Variants in DCUN1D3 observed in about 807,000 individuals in gnomAD.
DCUN1D3 encodes defective in cullin neddylation 1 domain containing 3.
A neutral mutation model predicts 24.8 loss-of-function variants in DCUN1D3; 6 were observed. The ratio of observed to expected loss-of-function variants is 0.24; its 90% CI spans 0.13 to 0.48. DCUN1D3 has a LOEUF of 0.48. Among genes scored for constraint, DCUN1D3 ranks in the 20% least tolerant of loss-of-function variants. DCUN1D3 has a pLI of 0.99. For synonymous variants in DCUN1D3, 120 were observed against 144.9 expected (o/e 0.83, Z 1.24); for missense variants, 258 against 379.4 (o/e 0.68, Z 2.66).
chr16:20,895,310 G>T (rs1296660412), intron 1 of DCUN1D3, among the ~76,000 whole-genome samples: 1 of 151,990 alleles, frequency 6.6e-6, no homozygotes, highest in African/African-American at 2.4e-5. Flanking sequence ...TGCGTAGGCT[G>T]GACTTGAACT....
At chr16:20,887,406 G>A (rs923002398) in intron 1 of DCUN1D3, among the ~76,000 whole-genome samples, 5 of 151,976 alleles carry the variant, frequency 3.3e-5, no homozygotes, top group Admixed American at 3.3e-4. Flanking sequence ...AAAAACACAT[G>A]AGTATTCATT....
At chr16:20,861,113 G>C (rs2081730102) in intron 2 of DCUN1D3, among the ~76,000 whole-genome samples, 1 of 152,168 alleles carries the variant, frequency 6.6e-6, no homozygotes, top group African/African-American at 2.4e-5. Flanking sequence ...ACATTCTACA[G>C]GGACATATGA....
intron 1 of DCUN1D3, among the ~76,000 whole-genome samples, chr16:20,888,618 C>T (rs2081877707): frequency 6.6e-6 from 1 of 152,140 alleles, no homozygotes; most frequent in African/African-American, 2.4e-5. Flanking sequence ...CCATGCCTGG[C>T]TAACTTTTGT....
In DCUN1D3 at chr16:20,884,518, G is replaced by A. The variant is rs545860177; in HGVS notation, c.-106+15686C>T. On this transcript the variant is annotated intron_variant, in intron 1 of 2. Coordinates refer to ENST00000324344, the MANE Select transcript of DCUN1D3 (RefSeq NM_173475.4). ...GAAACCTGACATCTACAAGTAAGGT[G>A]GTCTTATAATTGTATATCCAAGGAG... 2.6e-5 allele frequency among the ~76,000 whole-genome samples: 4 copies of A among 152,262 alleles called. No individual in the cohort carries two copies. In the East Asian group the frequency reaches 7.7e-4, roughly 29 times the overall value.
intron 1 of DCUN1D3, among the ~76,000 whole-genome samples, chr16:20,867,342 C>T (rs1388344894): frequency 6.6e-6 from 1 of 152,162 alleles, no homozygotes; most frequent in Admixed American, 6.5e-5. Flanking sequence ...AGAGAGAACA[C>T]ATGGTCTGTG....
At chr16:20,880,129 G>A (rs12149771) in intron 1 of DCUN1D3, among the ~76,000 whole-genome samples, 65,231 of 151,948 alleles carry the variant, frequency 0.43, 16,569 homozygotes, top group Non-Finnish European at 0.59. Flanking sequence ...TCTATCGTGC[G>A]TCCAAGGCTT....
intron 1 of DCUN1D3, among the ~76,000 whole-genome samples, chr16:20,871,588 G>C (rs2081788484): frequency 6.6e-6 from 1 of 152,134 alleles, no homozygotes; most frequent in Non-Finnish European, 1.5e-5. Flanking sequence ...GCCAGTGTGG[G>C]CTGGCTAGAA....
Position 20,859,079 on chromosome 16 carries a change from C to T in DCUN1D3, c.*807G>A, listed in dbSNP as rs1015661015. 2 of 152,464 alleles carry T rather than the reference C, an allele frequency of 1.3e-5. No homozygotes were observed. Among genetic ancestry groups the T allele is most frequent in the South Asian group, 2.1e-4 (1 of 4,824 alleles). 9.4% of individuals were successfully genotyped at this position (152,464 alleles called of 1,614,324 possible). On this transcript the variant is annotated 3_prime_UTR_variant, in exon 3 of 3. Transcript: ENST00000324344. ...AAAACTGAGGTAGCACTGCTTTCTC[C>T]GCATTCAATGCTTAAGTGGTTCTCA...
intron 1 of DCUN1D3, among the ~76,000 whole-genome samples, chr16:20,878,920 G>A (rs2081829262): frequency 6.6e-6 from 1 of 152,156 alleles, no homozygotes; most frequent in African/African-American, 2.4e-5. Context: ...CAAAGCCAGA[G>A]GTACTTGCTG....
At chr16:20,892,318 G>A (rs2081895848) in intron 1 of DCUN1D3, among the ~76,000 whole-genome samples, 1 of 152,148 alleles carries the variant, frequency 6.6e-6, no homozygotes, top group South Asian at 2.1e-4. Context: ...TGAGAAGGAA[G>A]AAAATGTCAC....
intron 1 of DCUN1D3, among the ~76,000 whole-genome samples, chr16:20,891,025 A>C (rs954496349): frequency 1.3e-5 from 2 of 150,376 alleles, no homozygotes; most frequent in African/African-American, 4.9e-5. Flanking sequence ...ATGGAGTCTC[A>C]CTCTATCGCC....
rs76299165 is a variant in DCUN1D3 at position 20,894,958 on chromosome 16, G to A, written c.-106+5246C>T. On this transcript the variant is annotated intron_variant, in intron 1 of 2. Coordinates refer to ENST00000324344, the MANE Select transcript of DCUN1D3 (RefSeq NM_173475.4). ...GTGCAATTGGCCATCTGTATCAATA[G>A]GTTCTACATTGGCAGATTCGACCAA... Among the ~76,000 whole-genome samples, 1,149 of 152,032 alleles carry A rather than the reference G, an allele frequency of 7.6e-3. 24 individuals carry two copies. The highest frequency in any genetic ancestry group is 0.026 in the African/African-American group (1,082 of 41,474).
At chr16:20,897,377 C>T (rs940083434) in intron 1 of DCUN1D3, among the ~76,000 whole-genome samples, 34 of 152,188 alleles carry the variant, frequency 2.2e-4, no homozygotes, top group African/African-American at 6.3e-4. Flanking sequence ...CCCTTGGTTA[C>T]GTGCCAGCCC....
intron 1 of DCUN1D3, among the ~76,000 whole-genome samples, chr16:20,899,427 G>A (rs1300196011): frequency 2.0e-5 from 3 of 152,200 alleles, no homozygotes. Context: ...CAACGTGACA[G>A]CCTGTATGAA....
At chr16:20,886,185 T>G (rs939235148) in intron 1 of DCUN1D3, among the ~76,000 whole-genome samples, 3 of 152,162 alleles carry the variant, frequency 2.0e-5, no homozygotes, top group Non-Finnish European at 4.4e-5. Context: ...CTTGAGTTAG[T>G]CAAGTCTTTA....
At chr16:20,869,410 C>T (rs1229639386) in intron 1 of DCUN1D3, among the ~76,000 whole-genome samples, 4 of 152,192 alleles carry the variant, frequency 2.6e-5, no homozygotes, top group Non-Finnish European at 5.9e-5. Flanking sequence ...GAGCCTGGGG[C>T]TACATGCTTC....
At chr16:20,890,114 T>C (rs1448728496) in intron 1 of DCUN1D3, among the ~76,000 whole-genome samples, 1 of 152,202 alleles carries the variant, frequency 6.6e-6, no homozygotes, top group Non-Finnish European at 1.5e-5. Flanking sequence ...ATTCAGCTGT[T>C]CCTGAGTTAT....
chr16:20,876,411 TCACCC>T (rs1228677169), intron 1 of DCUN1D3, among the ~76,000 whole-genome samples: 1 of 146,998 alleles, frequency 6.8e-6, no homozygotes, highest in Non-Finnish European at 1.5e-5. Flanking sequence ...AAATATTATC[TCACCC>T]CAGTTAAAAT....
At chr16:20,871,662 C>T (rs1376660768) in intron 1 of DCUN1D3, among the ~76,000 whole-genome samples, 1 of 152,150 alleles carries the variant, frequency 6.6e-6, no homozygotes, top group Non-Finnish European at 1.5e-5. Context: ...TTTCCAAATA[C>T]CAAATAATGA....
Sources: allele counts gnomAD v4.1 joint callset (sites outside exome capture counted in the v4.1 genomes callset), GRCh38; gene constraint gnomAD v4.1.1; transcripts MANE v1.5; gene names NCBI Gene and HGNC (gene_info 2026-07-23, HGNC 2026-07-21).